UNC5D: variants seen among roughly 807,000 people sequenced by gnomAD.
UNC5D encodes unc-5 netrin receptor D.
A neutral mutation model predicts 105.4 loss-of-function variants in UNC5D; 39 were observed. The observed-to-expected ratio is 0.37, with a 90% CI of 0.29 to 0.48. The LOEUF (loss-of-function observed/expected upper bound fraction) is 0.48. Ranked by LOEUF, UNC5D falls within the 20% of genes least tolerant of loss-of-function variation. UNC5D has a pLI of 0.98. For missense variants in UNC5D, 991 were observed against 1,202.4 expected, an observed-to-expected ratio of 0.82 and a Z score of 2.60; for synonymous variants, 452 against 450.4, an observed-to-expected ratio of 1.00 and a Z score of -0.04.
chr8:35,296,095 A>T (rs1807464497), intron 1 of UNC5D, among the ~76,000 whole-genome samples: 1 of 152,164 alleles, frequency 6.6e-6, no homozygotes, highest in Non-Finnish European at 1.5e-5. Context: ...TTTTCCGCAT[A>T]TTGGCTATCA....
intron 16 of UNC5D, among the ~76,000 whole-genome samples, chr8:35,785,656 G>A (rs891947182): frequency 1.3e-5 from 2 of 152,064 alleles, no homozygotes; most frequent in Admixed American, 6.6e-5. Context: ...CCACCACGCC[G>A]AGCCTATATA....
At chr8:35,670,871 TA>T (rs1415887197) in intron 4 of UNC5D, among the ~76,000 whole-genome samples, 1 of 152,100 alleles carries the variant, frequency 6.6e-6, no homozygotes, top group African/African-American at 2.4e-5. Context: ...GAACTTAAAA[TA>T]AAAAGATGGC....
intron 16 of UNC5D, among the ~76,000 whole-genome samples, chr8:35,779,459 T>C (rs1802404261): frequency 6.6e-6 from 1 of 152,168 alleles, no homozygotes; most frequent in Admixed American, 6.5e-5. Context: ...GTGGCTTTTT[T>C]GTTTGCTTGT....
chr8:35,598,722 G>C (rs1027182451), intron 4 of UNC5D, among the ~76,000 whole-genome samples: 3 of 152,178 alleles, frequency 2.0e-5, no homozygotes, highest in African/African-American at 7.2e-5. Flanking sequence ...ATACTATTCA[G>C]CCTTTAAGAA....
chr8:35,391,003 G>T lies in UNC5D; in HGVS notation c.103+155116G>T, dbSNP rs190756259. ...GCTTTCTTGTTTTGTATGCCATTGGGGCTTGTATTGGGTTGAGCTTCTGTA... is the reference window on the plus strand; with the variant it reads ...GCTTTCTTGTTTTGTATGCCATTGGTGCTTGTATTGGGTTGAGCTTCTGTA... On this transcript the variant is annotated intron_variant, in intron 1 of 16. Transcript: ENST00000404895. 2.0e-3 allele frequency among the ~76,000 whole-genome samples: 311 copies of T among 152,282 alleles called. 2 individuals are homozygous for T. The highest frequency in any genetic ancestry group is 7.0e-3 in the African/African-American group (289 of 41,552).
intron 1 of UNC5D, among the ~76,000 whole-genome samples, chr8:35,278,766 A>G (rs1182500505): frequency 1.3e-5 from 2 of 152,094 alleles, no homozygotes; most frequent in Non-Finnish European, 2.9e-5. Flanking sequence ...GTGAATTTCC[A>G]GAACCCAGTA....
chr8:35,641,986 T>C (rs1428341164), intron 4 of UNC5D, among the ~76,000 whole-genome samples: 1 of 152,102 alleles, frequency 6.6e-6, no homozygotes, highest in African/African-American at 2.4e-5. Flanking sequence ...AGACATTTGG[T>C]TATGAACAGG....
intron 1 of UNC5D, among the ~76,000 whole-genome samples, chr8:35,398,172 G>A (rs1320364082): frequency 6.6e-6 from 1 of 152,160 alleles, no homozygotes; most frequent in African/African-American, 2.4e-5. Context: ...ACTATTTAGA[G>A]GAAAAGGGGA....
intron 16 of UNC5D, among the ~76,000 whole-genome samples, chr8:35,783,359 G>A (rs1045952617): frequency 2.6e-5 from 4 of 152,216 alleles, no homozygotes; most frequent in South Asian, 2.1e-4. Context: ...CAATCCCCTA[G>A]TATATTTTTA....
chr8:35,386,358 A>G (rs765023974), intron 1 of UNC5D, among the ~76,000 whole-genome samples: 2 of 152,338 alleles, frequency 1.3e-5, no homozygotes, highest in East Asian at 3.9e-4. Context: ...ACTCAATTTA[A>G]ATAGGAAAAT....
chr8:35,778,983 A>G (rs1007121494), intron 16 of UNC5D, among the ~76,000 whole-genome samples: 1 of 152,232 alleles, frequency 6.6e-6, no homozygotes, highest in Non-Finnish European at 1.5e-5. Context: ...CTTGCCTGGC[A>G]TATGGATCAC....
At position 35,584,810 on chromosome 8, in the gene UNC5D, G is replaced by A. The variant is rs184512850; in HGVS notation, c.467-10744G>A. ...GTTATAGCCTTTGTAAGACACAGTT[G>A]TATTGTGTTTCTTATTCTTCAAGCC... On this transcript the variant is annotated intron_variant, in intron 3 of 16. Transcript: ENST00000404895. Among the ~76,000 whole-genome samples, 71 of 152,160 alleles carry A rather than the reference G, an allele frequency of 4.7e-4. No individual in the cohort carries two copies. The East Asian group carries it at 0.013, about 28-fold the overall frequency.
chr8:35,427,408 G>A (rs76723939), intron 1 of UNC5D, among the ~76,000 whole-genome samples: 2,209 of 152,248 alleles, frequency 0.015, 62 homozygotes, highest in African/African-American at 0.051. Context: ...AATGGGTCCC[G>A]AGATTTTCAG....
Position 35,588,692 on chromosome 8 carries a change from G to A in UNC5D, c.467-6862G>A, listed in dbSNP as rs550609385. 8.5e-5 allele frequency among the ~76,000 whole-genome samples: 13 copies of A among 152,174 alleles called. No individual in the cohort carries two copies. In the East Asian group the frequency reaches 1.4e-3, roughly 16 times the overall value. Reference sequence around the variant, plus strand: ...ACAGTGTCCAGTGGGAGTCAACAGCGGGAGTGAGTGAAGAAGGCTATTGCA... The same window carrying A: ...ACAGTGTCCAGTGGGAGTCAACAGCAGGAGTGAGTGAAGAAGGCTATTGCA... On this transcript the variant is annotated intron_variant, in intron 3 of 16. Transcript: ENST00000404895.
chr8:35,735,678 A>C (rs1202896644), intron 11 of UNC5D, among the ~76,000 whole-genome samples: 1 of 152,252 alleles, frequency 6.6e-6, no homozygotes, highest in African/African-American at 2.4e-5. Context: ...AGCTCTGGAA[A>C]ATAGAGAAGA....
chr8:35,741,710 T>C (rs1422627252), intron 11 of UNC5D, among the ~76,000 whole-genome samples: 1 of 152,188 alleles, frequency 6.6e-6, no homozygotes, highest in East Asian at 1.9e-4. Flanking sequence ...TATATTCCAC[T>C]TCAGAATGGA....
intron 8 of UNC5D, among the ~76,000 whole-genome samples, chr8:35,710,308 C>G (rs543815899): frequency 6.6e-6 from 1 of 152,076 alleles, no homozygotes; most frequent in Admixed American, 6.5e-5. Context: ...GTGTAGAGTA[C>G]AAGAGAAAGA....
At chr8:35,318,816 A>G (rs1175171370) in intron 1 of UNC5D, among the ~76,000 whole-genome samples, 1 of 152,100 alleles carries the variant, frequency 6.6e-6, no homozygotes, top group South Asian at 2.1e-4. Flanking sequence ...TTTTGACCAG[A>G]GACCTTTGAT....
At chr8:35,283,497 C>G (rs1158441790) in intron 1 of UNC5D, among the ~76,000 whole-genome samples, 1 of 152,096 alleles carries the variant, frequency 6.6e-6, no homozygotes, top group African/African-American at 2.4e-5. Flanking sequence ...CATGGTGGCT[C>G]ACACCTGTAA....
Sources: gnomAD v4.1 joint callset for allele counts (sites outside exome capture counted in the v4.1 genomes callset) on GRCh38, gnomAD v4.1.1 for gene constraint, MANE v1.5 for transcripts, NCBI Gene and HGNC (gene_info 2026-07-23, HGNC 2026-07-21) for gene names.